Variants in KCNN2 observed in about 807,000 individuals in gnomAD.
The protein encoded by KCNN2 is potassium calcium-activated channel subfamily N member 2.
Under a neutral mutation model 55.5 loss-of-function variants are expected in KCNN2, and 24 were observed. That is an observed-to-expected ratio of 0.43 (90% confidence interval 0.31 to 0.61). The LOEUF (loss-of-function observed/expected upper bound fraction) is 0.61, where lower values mean the gene tolerates loss of function less well. KCNN2 is among the 20% of genes least tolerant of loss of function. The pLI, the probability that KCNN2 is intolerant of heterozygous loss-of-function variation, is 0.08. For synonymous variants in KCNN2, 431 were observed against 336.1 expected (o/e 1.28, Z -3.09); for missense variants, 754 against 853.6 (o/e 0.88, Z 1.45).
intron 2 of KCNN2, among the ~76,000 whole-genome samples, chr5:114,387,699 A>G (rs911321179): frequency 2.0e-5 from 3 of 152,098 alleles, no homozygotes; most frequent in Non-Finnish European, 2.9e-5. Flanking sequence ...GCTCCAATAG[A>G]GCCTCTTTGT....
At chr5:114,453,947 A>G (rs746079895) in intron 3 of KCNN2, among the ~76,000 whole-genome samples, 1 of 152,104 alleles carries the variant, frequency 6.6e-6, no homozygotes. Flanking sequence ...CGCATTAGGT[A>G]TTTGTCCTAA....
intron 1 of KCNN2, among the ~76,000 whole-genome samples, chr5:114,172,217 TTCAAC>T (rs1753048703): frequency 6.6e-6 from 1 of 152,024 alleles, no homozygotes; most frequent in African/African-American, 2.4e-5. Context: ...CACTTGTTAA[TTCAAC>T]AAATATTTAT....
intron 1 of KCNN2, among the ~76,000 whole-genome samples, chr5:114,207,551 A>G (rs1307504337): frequency 6.6e-6 from 1 of 152,190 alleles, no homozygotes; most frequent in Non-Finnish European, 1.5e-5. Context: ...CAGCATCTTA[A>G]GCATTTTTAT....
intron 6 of KCNN2, among the ~76,000 whole-genome samples, chr5:114,491,011 C>G (rs1347942022): frequency 5.9e-5 from 9 of 152,112 alleles, no homozygotes; most frequent in Non-Finnish European, 1.0e-4. Flanking sequence ...AACAACAAGA[C>G]AAGATGATTC....
At chr5:114,484,431 T>G (rs1365020721) in intron 5 of KCNN2, among the ~76,000 whole-genome samples, 1 of 152,202 alleles carries the variant, frequency 6.6e-6, no homozygotes, top group Non-Finnish European at 1.5e-5. Flanking sequence ...AATGTATTCA[T>G]GCAGCAAAAT....
At chr5:114,078,121 T>A (rs1561465890) in intron 1 of KCNN2, among the ~76,000 whole-genome samples, 1 of 152,266 alleles carries the variant, frequency 6.6e-6, no homozygotes, top group East Asian at 1.9e-4. Flanking sequence ...GGAGGTCTAG[T>A]CATAACATTT....
intron 6 of KCNN2, 165 bp from the exon 7 acceptor site, chr5:114,493,238 G>A (rs1398810175): frequency 5.8e-6 from 4 of 691,792 alleles, no homozygotes; most frequent in Non-Finnish European, 1.1e-5. Flanking sequence ...GGGGAAGCAT[G>A]CTTCTCATTG....
intron 2 of KCNN2, among the ~76,000 whole-genome samples, chr5:114,384,567 T>A (rs1410024056): frequency 6.6e-6 from 1 of 152,242 alleles, no homozygotes; most frequent in Non-Finnish European, 1.5e-5. Context: ...GAGCATTTTC[T>A]TTGACATACT....
intron 1 of KCNN2, among the ~76,000 whole-genome samples, chr5:114,162,392 T>G (rs1489418712): frequency 6.6e-6 from 1 of 152,172 alleles, no homozygotes; most frequent in East Asian, 1.9e-4. Flanking sequence ...CCCGGCCGTT[T>G]GAGGTGTCAG....
At chr5:114,148,509 G>A (rs1752450716) in intron 1 of KCNN2, among the ~76,000 whole-genome samples, 1 of 152,182 alleles carries the variant, frequency 6.6e-6, no homozygotes, top group African/African-American at 2.4e-5. Flanking sequence ...AGAGGCAGAG[G>A]AAGAGAAGGA....
intron 3 of KCNN2, among the ~76,000 whole-genome samples, chr5:114,412,889 A>G (rs1010769238): frequency 6.6e-6 from 1 of 152,232 alleles, no homozygotes; most frequent in Admixed American, 6.5e-5. Flanking sequence ...TAGTTATTGG[A>G]TAATGAGATT....
At chr5:114,280,494 G>A (rs1184544400) in intron 2 of KCNN2, among the ~76,000 whole-genome samples, 4 of 152,118 alleles carry the variant, frequency 2.6e-5, no homozygotes, top group African/African-American at 4.8e-5. Context: ...GTAAGGAAGG[G>A]ATCCAGTTTC....
chr5:114,099,487 A>G (rs1580511686), intron 1 of KCNN2, among the ~76,000 whole-genome samples: 1 of 152,272 alleles, frequency 6.6e-6, no homozygotes, highest in East Asian at 1.9e-4. Context: ...TCTTGAAAAG[A>G]CAGGATCTCA....
chr5:114,419,111 G>A (rs1043309553), intron 3 of KCNN2, among the ~76,000 whole-genome samples: 1 of 152,190 alleles, frequency 6.6e-6, no homozygotes, highest in Non-Finnish European at 1.5e-5. Flanking sequence ...ATAATGTTTT[G>A]AAGGGAAAAA....
intron 2 of KCNN2, among the ~76,000 whole-genome samples, chr5:114,355,071 G>T (rs1300286190): frequency 6.6e-6 from 1 of 152,148 alleles, no homozygotes; most frequent in Admixed American, 6.5e-5. Flanking sequence ...TTAGCAAATT[G>T]TGGTTCTTTC....
chr5:114,359,481 G>T (rs36943), upstream of KCNN2, among the ~76,000 whole-genome samples: 113,662 of 152,058 alleles, frequency 0.75, 42,761 homozygotes, highest in East Asian at 0.97. Context: ...TATTATTTTG[G>T]TTTTGGAGCC....
At chr5:114,309,281 T>A (rs981972986) in intron 2 of KCNN2, among the ~76,000 whole-genome samples, 1 of 152,134 alleles carries the variant, frequency 6.6e-6, no homozygotes, top group African/African-American at 2.4e-5. Flanking sequence ...AAAATTAGAT[T>A]CAAGGTCCGT....
At chr5:114,382,953 C>A (rs1172111512) in intron 2 of KCNN2, among the ~76,000 whole-genome samples, 1 of 152,094 alleles carries the variant, frequency 6.6e-6, no homozygotes, top group Non-Finnish European at 1.5e-5. Flanking sequence ...AATGTGTGAA[C>A]CGTCCTGAGT....
Position 114,112,940 on chromosome 5 carries a change from G to A in KCNN2, c.-271+56440G>A, listed in dbSNP as rs1580525179. On this transcript the variant is annotated intron_variant, in intron 1 of 10. Transcript: ENST00000512097. ...GGGTAATTTTTATATCTGAAAACTTGAAAGGCAGAAATTAATTTAATCAAA... is the reference window on the plus strand; with the variant it reads ...GGGTAATTTTTATATCTGAAAACTTAAAAGGCAGAAATTAATTTAATCAAA... Among the ~76,000 whole-genome samples the A allele has an allele frequency of 3.9e-5, 6 of 151,998 alleles. 1 individual carries two copies. The South Asian group carries it at 1.2e-3, about 31-fold the overall frequency.
Sources: allele counts gnomAD v4.1 joint callset (sites outside exome capture counted in the v4.1 genomes callset), GRCh38; gene constraint gnomAD v4.1.1; transcripts MANE v1.5; gene names NCBI Gene and HGNC (gene_info 2026-07-23, HGNC 2026-07-21).